Variants in CNBD1 observed in about 807,000 individuals in gnomAD.
CNBD1 encodes the protein cyclic nucleotide binding domain containing 1.
In CNBD1, 71 loss-of-function variants were observed where a neutral mutation model predicts 54.4. The ratio of observed to expected loss-of-function variants is 1.30; its 90% CI spans 1.08 to 1.59. The LOEUF is 1.59. Ranked by LOEUF, CNBD1 falls within the 40% of genes most tolerant of loss-of-function variation. The probability of loss-of-function intolerance (pLI) is 0.00; values close to 1 mark genes in which losing one functional copy is unlikely to be tolerated. For synonymous variants in CNBD1, 182 were observed against 170.7 expected, an observed-to-expected ratio of 1.07 and a Z score of -0.51; for missense variants, 659 against 518.0, an observed-to-expected ratio of 1.27 and a Z score of -2.64.
chr8:87,390,865 G>C (rs1811294554), intron 2 of CNBD1, among the ~76,000 whole-genome samples: 2 of 152,136 alleles, frequency 1.3e-5, no homozygotes, highest in Non-Finnish European at 2.9e-5. Flanking sequence ...TGATAGACTG[G>C]ATTAAGAAAA....
chr8:87,059,385 T>G (rs1256821351), intron 4 of CNBD1, among the ~76,000 whole-genome samples: 1 of 152,218 alleles, frequency 6.6e-6, no homozygotes, highest in Non-Finnish European at 1.5e-5. Flanking sequence ...AAGCTCCTTA[T>G]AGCAGCACCC....
At chr8:87,190,870 GATATAGATACAT>G (rs1813588907) in intron 4 of CNBD1, among the ~76,000 whole-genome samples, 1 of 144,700 alleles carries the variant, frequency 6.9e-6, no homozygotes, top group Admixed American at 6.8e-5. Context: ...TATCTAAATA[GATATAGATACAT>G]GTACGTATAT....
chr8:87,330,661 T>C (rs761466049), intron 8 of CNBD1, among the ~76,000 whole-genome samples: 18 of 152,154 alleles, frequency 1.2e-4, no homozygotes, highest in Admixed American at 1.3e-4. Context: ...AATTGTATGA[T>C]TTCTTTTCTT....
At chr8:87,063,010 G>A (rs1157893876) in intron 4 of CNBD1, among the ~76,000 whole-genome samples, 1 of 152,138 alleles carries the variant, frequency 6.6e-6, no homozygotes, top group East Asian at 1.9e-4. Context: ...CTATAGTGCA[G>A]ATCAGACCCC....
intron 2 of CNBD1, among the ~76,000 whole-genome samples, chr8:87,388,665 C>A (rs1183635165): frequency 6.6e-6 from 1 of 152,144 alleles, no homozygotes; most frequent in African/African-American, 2.4e-5. Flanking sequence ...CGAATTCTAC[C>A]AGAGGTACAA....
At chr8:87,008,456 T>C (rs570418652) in intron 4 of CNBD1, among the ~76,000 whole-genome samples, 28 of 152,274 alleles carry the variant, frequency 1.8e-4, no homozygotes, top group African/African-American at 6.5e-4. Flanking sequence ...TTGGCCGGGG[T>C]GGGTCTTAGA....
At chr8:87,214,622 A>G (rs1020970841) in intron 5 of CNBD1, among the ~76,000 whole-genome samples, 1 of 152,220 alleles carries the variant, frequency 6.6e-6, no homozygotes, top group Non-Finnish European at 1.5e-5. Flanking sequence ...AGCTGCTAAT[A>G]AAGACATGTC....
intron 2 of CNBD1, among the ~76,000 whole-genome samples, chr8:87,421,962 C>A (rs1260433384): frequency 4.0e-5 from 6 of 149,792 alleles, no homozygotes; most frequent in African/African-American, 1.0e-4. Flanking sequence ...TTAATGATCG[C>A]CATTCTAACT....
intron 6 of CNBD1, among the ~76,000 whole-genome samples, chr8:87,260,704 T>C (rs576156226): frequency 2.0e-4 from 30 of 152,198 alleles, no homozygotes; most frequent in African/African-American, 7.2e-4. Flanking sequence ...ACCATAGCCA[T>C]GGAGGCCAAC....
At chr8:87,016,565 G>C (rs965451841) in intron 4 of CNBD1, among the ~76,000 whole-genome samples, 1 of 151,886 alleles carries the variant, frequency 6.6e-6, no homozygotes, top group African/African-American at 2.4e-5. Flanking sequence ...AAAACCAAAG[G>C]GTGTAATGTT....
chr8:87,129,175 G>A (rs1389013211), intron 4 of CNBD1, among the ~76,000 whole-genome samples: 1 of 148,352 alleles, frequency 6.7e-6, no homozygotes, highest in East Asian at 2.0e-4. Context: ...AATCATTCTA[G>A]TTTCACAGAG....
intron 4 of CNBD1, among the ~76,000 whole-genome samples, chr8:87,054,925 G>C (rs537822586): frequency 1.3e-5 from 2 of 152,302 alleles, no homozygotes; most frequent in African/African-American, 4.8e-5. Context: ...TTACCCTATT[G>C]GCTTTTAACT....
intron 6 of CNBD1, among the ~76,000 whole-genome samples, chr8:87,253,588 A>G (rs972302600): frequency 6.6e-6 from 1 of 152,158 alleles, no homozygotes; most frequent in Non-Finnish European, 1.5e-5. Context: ...CCCAAGTGCC[A>G]TGTGGTATCT....
At chr8:86,980,045 C>G (rs905108323) in intron 4 of CNBD1, among the ~76,000 whole-genome samples, 5 of 152,186 alleles carry the variant, frequency 3.3e-5, no homozygotes, top group African/African-American at 1.2e-4. Context: ...GATTTATCAA[C>G]AGCTCTCAAA....
rs182885680 is a variant in CNBD1 at position 87,314,629 on chromosome 8, T to C, written c.1042+27958T>C. Among the ~76,000 whole-genome samples the C allele has an allele frequency of 3.9e-3, 596 of 152,106 alleles. 8 individuals carry two copies. The highest frequency in any genetic ancestry group is 0.014 in the African/African-American group (562 of 41,532). On this transcript the variant is annotated intron_variant, in intron 8 of 10. Transcript: ENST00000518476. ...GTATTATTATTTTTTCTCATGATAT[T>C]ATCAGATTTGATTATCTATGGAAAG...
At chr8:87,095,668 T>A (rs1367297135) in intron 4 of CNBD1, among the ~76,000 whole-genome samples, 1 of 152,094 alleles carries the variant, frequency 6.6e-6, no homozygotes, top group African/African-American at 2.4e-5. Context: ...GTTCTCGTCT[T>A]TTTTTTTGAG....
intron 2 of CNBD1, among the ~76,000 whole-genome samples, chr8:87,424,386 C>A (rs1449824434): frequency 6.6e-6 from 1 of 152,108 alleles, no homozygotes; most frequent in Non-Finnish European, 1.5e-5. Context: ...AATTTTGGAT[C>A]TTTCCTGCTT....
intron 3 of CNBD1, among the ~76,000 whole-genome samples, chr8:86,932,427 G>C (rs961260283): frequency 2.6e-5 from 4 of 152,122 alleles, no homozygotes; most frequent in Non-Finnish European, 5.9e-5. Context: ...GGAGATTAGA[G>C]GAGGCTTATC....
chr8:87,398,734 C>G (rs1319748118), intron 2 of CNBD1, among the ~76,000 whole-genome samples: 2 of 151,950 alleles, frequency 1.3e-5, no homozygotes, highest in East Asian at 1.9e-4. Context: ...ATTCACCATG[C>G]CTCCCATGCT....
Sources: gnomAD v4.1 joint callset for allele counts (sites outside exome capture counted in the v4.1 genomes callset) on GRCh38, gnomAD v4.1.1 for gene constraint, MANE v1.5 for transcripts, NCBI Gene and HGNC (gene_info 2026-07-23, HGNC 2026-07-21) for gene names.